ZNF267: variants seen among roughly 807,000 people sequenced by gnomAD.
The protein encoded by ZNF267 is zinc finger protein 267.
Under a neutral mutation model 71.6 loss-of-function variants are expected in ZNF267, and 61 were observed. That is an observed-to-expected ratio of 0.85 (90% CI 0.69 to 1.05). The LOEUF (loss-of-function observed/expected upper bound fraction) is 1.05, where lower values mean the gene tolerates loss of function less well. ZNF267 is among the 50% of genes least tolerant of loss of function. The probability of loss-of-function intolerance (pLI) is 0.00; values close to 1 mark genes in which losing one functional copy is unlikely to be tolerated. For synonymous variants in ZNF267, 288 were observed against 293.2 expected, an observed-to-expected ratio of 0.98 and a Z score of 0.18; for missense variants, 852 against 870.0, an observed-to-expected ratio of 0.98 and a Z score of 0.26.
chr16:31,874,273 G>A, intron 1 of ZNF267: 1 of 371,452 alleles, frequency 2.7e-6, no homozygotes. Flanking sequence ...CGGTGAGGAC[G>A]GGAGCGTCTC....
In ZNF267 at chr16:31,897,149, A is replaced by AC. The variant is rs1258042258; in HGVS notation, c.226+11893_226+11894insC. Among the ~76,000 whole-genome samples, 5 of 150,896 alleles carry AC rather than the reference A, an allele frequency of 3.3e-5. No individual in the cohort carries two copies. In the East Asian group the frequency reaches 9.7e-4, roughly 29 times the overall value. On this transcript the variant is annotated intron_variant, in intron 3 of 3. Coordinates refer to ENST00000300870, the MANE Select transcript of ZNF267 (RefSeq NM_003414.6). ...CACCAAACACCAAAAAAACAAAACAAAACAAAACAAAAAAAACCCAGAAAC... is the reference window on the plus strand; with the variant it reads ...CACCAAACACCAAAAAAACAAAACAACAACAAAACAAAAAAAACCCAGAAAC...
intron 1 of ZNF267, chr16:31,875,421 A>C (rs1173439623): frequency 4.2e-6 from 4 of 951,354 alleles, no homozygotes; most frequent in Non-Finnish European, 4.1e-6. Flanking sequence ...TATTTCTTCA[A>C]AGCTAGTTTT....
At chr16:31,911,625 A>G (rs373351395) in intron 3 of ZNF267, among the ~76,000 whole-genome samples, 38 of 151,006 alleles carry the variant, frequency 2.5e-4, no homozygotes, top group African/African-American at 8.3e-4. Flanking sequence ...CACCCATTCT[A>G]TGTCATCTAA....
chr16:31,875,445 C>G, intron 1 of ZNF267: 1 of 684,398 alleles, frequency 1.5e-6, no homozygotes, highest in Non-Finnish European at 2.1e-6. Context: ...CCCTTGGAGA[C>G]ACATTGCTGG....
At chr16:31,879,293 A>G (rs183027613) in intron 1 of ZNF267, among the ~76,000 whole-genome samples, 1 of 152,332 alleles carries the variant, frequency 6.6e-6, no homozygotes, top group East Asian at 1.9e-4. Context: ...CTCTCTGACA[A>G]ATGGTGCTGT....
chr16:31,906,186 C>G (rs533425369), intron 3 of ZNF267, among the ~76,000 whole-genome samples: 1 of 152,340 alleles, frequency 6.6e-6, no homozygotes, highest in African/African-American at 2.4e-5. Context: ...AGGTGTCAGT[C>G]AGCTCCTACT....
intron 1 of ZNF267, among the ~76,000 whole-genome samples, chr16:31,881,909 A>G (rs982646658): frequency 4.6e-5 from 7 of 152,036 alleles, no homozygotes; most frequent in Non-Finnish European, 1.0e-4. Context: ...AAGTGATAAC[A>G]CCCATCTTGG....
Position 31,904,673 on chromosome 16 carries a change from A to G in ZNF267, c.227-9803A>G, listed in dbSNP as rs148942022. Among the ~76,000 whole-genome samples the G allele has an allele frequency of 3.5e-3, 539 of 152,096 alleles. 3 individuals carry two copies. Among genetic ancestry groups the G allele is most frequent in the African/African-American group, 0.013 (529 of 41,494 alleles). On this transcript the variant is annotated intron_variant, in intron 3 of 3. Transcript: ENST00000300870. ...CTCCGTCCCTTTATTTTGAGCCTAT[A>G]TGTGTCTCTGCACATGAGATGGGTT...
At chr16:31,902,999 G>C (rs62052286) in intron 3 of ZNF267, among the ~76,000 whole-genome samples, 1 of 152,148 alleles carries the variant, frequency 6.6e-6, no homozygotes, top group African/African-American at 2.4e-5. Flanking sequence ...AGCATGAAGC[G>C]TTGTTGAATT....
chr16:31,898,387 T>C (rs1456045272), intron 3 of ZNF267, among the ~76,000 whole-genome samples: 2 of 152,164 alleles, frequency 1.3e-5, no homozygotes, highest in African/African-American at 4.8e-5. Context: ...GGATCTTGTT[T>C]ATTGAATTTC....
At chr16:31,874,843 C>T (rs938089309) in intron 1 of ZNF267, among the ~76,000 whole-genome samples, 2 of 152,186 alleles carry the variant, frequency 1.3e-5, no homozygotes, top group African/African-American at 4.8e-5. Context: ...TTTCCAGTTC[C>T]TTCCCGACAT....
rs901916662 is a variant in ZNF267 at position 31,915,972 on chromosome 16, C to A, written c.1723C>A (p.Pro575Thr). ...TCATCGAATTCATACTGGAGAAAAA[C>A]CATACAAATGTAAAGCATGTAGCAA... is the stretch of plus-strand genomic sequence containing the variant. ...RHHRIHTGEK[P>T]YKCKACSKSF... The change falls in exon 4 of 4, where the codon CCA becomes ACA. Residue 575 changes from proline (P) to threonine (T), a missense_variant. Physicochemically the swap from Pro to Thr is conservative, Grantham distance 38 (BLOSUM62 -1). Transcript: ENST00000300870. The A allele has an allele frequency of 5.0e-6, 8 of 1,612,774 alleles. No homozygotes were observed. Among genetic ancestry groups the A allele is most frequent in the Non-Finnish European group, 5.9e-6 (7 of 1,179,034 alleles).
chr16:31,880,680 A>G (rs919233931), intron 1 of ZNF267, among the ~76,000 whole-genome samples: 14 of 152,334 alleles, frequency 9.2e-5, no homozygotes, highest in Middle Eastern at 3.4e-3. Flanking sequence ...CTTCCGTCTC[A>G]GAGGGAGAAG....
At chr16:31,874,371 C>G (rs1211916432) in intron 1 of ZNF267, 1 of 181,326 alleles carries the variant, frequency 5.5e-6, no homozygotes, top group Non-Finnish European at 1.1e-5. Flanking sequence ...AAGGGAGTCA[C>G]TGTTAAAACG....
chr16:31,883,294 CA>C (rs1230918786), intron 1 of ZNF267, among the ~76,000 whole-genome samples: 1 of 151,874 alleles, frequency 6.6e-6, no homozygotes, highest in Non-Finnish European at 1.5e-5. Context: ...AAAGGCATCA[CA>C]AAAAAGGCAT....
At chr16:31,901,417 A>G (rs928888853) in intron 3 of ZNF267, among the ~76,000 whole-genome samples, 14 of 152,216 alleles carry the variant, frequency 9.2e-5, no homozygotes, top group African/African-American at 3.1e-4. Flanking sequence ...AGTCCCACCA[A>G]CAGTGTAAAA....
intron 3 of ZNF267, among the ~76,000 whole-genome samples, chr16:31,896,078 C>G (rs1268147704): frequency 1.3e-5 from 2 of 152,178 alleles, no homozygotes; most frequent in East Asian, 3.9e-4. Context: ...GTAGCATGAT[C>G]ATAGCTCACT....
intron 1 of ZNF267, among the ~76,000 whole-genome samples, chr16:31,883,855 A>G (rs957463761): frequency 6.6e-6 from 1 of 152,188 alleles, no homozygotes; most frequent in African/African-American, 2.4e-5. Context: ...CTGAAGCATT[A>G]ACACTACTGG....
At chr16:31,911,868 T>C (rs2084138219) in intron 3 of ZNF267, 1 of 151,636 alleles carries the variant, frequency 6.6e-6, no homozygotes, top group African/African-American at 2.4e-5. Context: ...AATACTATCT[T>C]ATAACCTATT....
Sources: allele counts gnomAD v4.1 joint callset (sites outside exome capture counted in the v4.1 genomes callset), GRCh38; gene constraint gnomAD v4.1.1; transcripts MANE v1.5; gene names NCBI Gene and HGNC (gene_info 2026-07-23, HGNC 2026-07-21).